Variants in SNX7 observed in about 807,000 individuals in gnomAD.
The protein encoded by SNX7 is sorting nexin 7.
A neutral mutation model predicts 48.4 loss-of-function variants in SNX7; 35 were observed. The observed-to-expected ratio is 0.72, with a 90% confidence interval of 0.55 to 0.96. SNX7 has a LOEUF of 0.96. Ranked by LOEUF, SNX7 falls within the 40% of genes least tolerant of loss-of-function variation. The pLI, the probability that SNX7 is intolerant of heterozygous loss-of-function variation, is 0.00. For synonymous variants in SNX7, 190 were observed against 190.2 expected (o/e 1.00, Z 0.01); for missense variants, 553 against 548.9 (o/e 1.01, Z -0.07).
chr1:98,662,810 A>T (rs1649320576), intron 1 of SNX7: 2 of 1,289,076 alleles, frequency 1.6e-6, no homozygotes, highest in Admixed American at 2.3e-5. Context: ...TTACCTGGAG[A>T]TATTAGGTAA....
intron 7 of SNX7, among the ~76,000 whole-genome samples, chr1:98,708,869 G>A (rs2100986955): frequency 6.6e-6 from 1 of 152,264 alleles, no homozygotes; most frequent in South Asian, 2.1e-4. Context: ...GGAGTCTGTT[G>A]AGCCTGAGAT....
chr1:98,753,124 A>G (rs759718124), intron 8 of SNX7, among the ~76,000 whole-genome samples: 3 of 152,094 alleles, frequency 2.0e-5, no homozygotes, highest in Non-Finnish European at 4.4e-5. Flanking sequence ...TATGAGGCTT[A>G]AAGAAGGTGA....
intron 7 of SNX7, among the ~76,000 whole-genome samples, chr1:98,720,739 T>C (rs752010532): frequency 4.6e-5 from 7 of 152,166 alleles, no homozygotes; most frequent in Non-Finnish European, 8.8e-5. Flanking sequence ...CGGTCCAGAA[T>C]GGAATATTTC....
intron 1 of SNX7, among the ~76,000 whole-genome samples, chr1:98,681,932 C>T (rs1319318383): frequency 6.6e-6 from 1 of 152,124 alleles, no homozygotes; most frequent in Non-Finnish European, 1.5e-5. Flanking sequence ...CTAGCTTACT[C>T]TCAATAAGTA....
intron 7 of SNX7, among the ~76,000 whole-genome samples, chr1:98,726,229 T>C (rs1472439041): frequency 6.6e-6 from 1 of 152,060 alleles, no homozygotes; most frequent in African/African-American, 2.4e-5. Context: ...GACTGATAAA[T>C]GTGTGTCTTT....
At chr1:98,734,851 G>A (rs1354693574) in intron 7 of SNX7, among the ~76,000 whole-genome samples, 3 of 152,100 alleles carry the variant, frequency 2.0e-5, no homozygotes, top group African/African-American at 7.2e-5. Context: ...ACAACGTTTT[G>A]CTGGCAACAA....
At chr1:98,664,931 C>G (rs1570475914) in intron 1 of SNX7, among the ~76,000 whole-genome samples, 1 of 152,208 alleles carries the variant, frequency 6.6e-6, no homozygotes, top group East Asian at 1.9e-4. Context: ...TATTTTAGAA[C>G]TAGGTCACAA....
chr1:98,730,975 C>A (rs970173016), intron 7 of SNX7, among the ~76,000 whole-genome samples: 2 of 152,000 alleles, frequency 1.3e-5, no homozygotes, highest in Non-Finnish European at 2.9e-5. Context: ...GGACACAGGG[C>A]GGCAGAGGTG....
At chr1:98,701,749 ATTT>A (rs1365690301) in intron 6 of SNX7, 65 bp from the exon 7 acceptor site, 13 of 1,009,414 alleles carry the variant, frequency 1.3e-5, no homozygotes, top group Non-Finnish European at 1.9e-5. Context: ...TGAAATATAT[ATTT>A]TTGCTATAGG....
At chr1:98,733,582 A>T (rs1653626749) in intron 7 of SNX7, among the ~76,000 whole-genome samples, 1 of 152,174 alleles carries the variant, frequency 6.6e-6, no homozygotes. Flanking sequence ...ACTCCAAGGT[A>T]AACATGCTTC....
chr1:98,708,462 A>G (rs187615845), intron 7 of SNX7, among the ~76,000 whole-genome samples: 11 of 152,294 alleles, frequency 7.2e-5, no homozygotes, highest in Admixed American at 6.5e-4. Context: ...ACACCCAGTT[A>G]CAGATACCTG....
At chr1:98,691,451 T>G (rs1301528060) in intron 3 of SNX7, 84 bp from the exon 4 acceptor site, 2 of 1,142,878 alleles carry the variant, frequency 1.7e-6, no homozygotes, top group African/African-American at 1.6e-5. Context: ...GTTCAACTAG[T>G]CTTCCAAACA....
At chr1:98,740,471 GTATATTAGGGTA>G (rs1224194068) in intron 8 of SNX7, among the ~76,000 whole-genome samples, 1 of 152,002 alleles carries the variant, frequency 6.6e-6, no homozygotes, top group African/African-American at 2.4e-5. Context: ...CAAAACCTAA[GTATATTAGGGTA>G]TAAAAATCAC....
chr1:98,742,212 AG>A (rs1006115972), intron 8 of SNX7, among the ~76,000 whole-genome samples: 1 of 152,114 alleles, frequency 6.6e-6, no homozygotes, highest in African/African-American at 2.4e-5. Flanking sequence ...ATAGTAAGAA[AG>A]GGTAGGGAAT....
intron 7 of SNX7, among the ~76,000 whole-genome samples, chr1:98,711,286 G>A (rs1652293113): frequency 6.6e-6 from 1 of 152,136 alleles, no homozygotes; most frequent in Non-Finnish European, 1.5e-5. Context: ...CCAAAGTGCT[G>A]GGATTACAGG....
At chr1:98,675,610 T>A (rs1327959663) in intron 1 of SNX7, among the ~76,000 whole-genome samples, 1 of 152,192 alleles carries the variant, frequency 6.6e-6, no homozygotes, top group Non-Finnish European at 1.5e-5. Context: ...GTTGGGAGGA[T>A]GAGCAAAAAG....
chr1:98,746,274 A>C (rs1654305086), intron 8 of SNX7, among the ~76,000 whole-genome samples: 1 of 152,104 alleles, frequency 6.6e-6, no homozygotes, highest in African/African-American at 2.4e-5. Context: ...CCCTGGGCAT[A>C]GTTCTTTGGG....
intron 7 of SNX7, among the ~76,000 whole-genome samples, chr1:98,702,770 G>GA (rs1449964267): frequency 3.9e-5 from 6 of 152,052 alleles, no homozygotes. Context: ...ATAGAAGTGG[G>GA]AAAAATGGAC....
chr1:98,752,540 C>T (rs1006072505), intron 8 of SNX7, among the ~76,000 whole-genome samples: 7 of 151,928 alleles, frequency 4.6e-5, no homozygotes, highest in African/African-American at 1.7e-4. Context: ...GAATGGGGAT[C>T]GGGCTCTTAG....
Sources: allele counts gnomAD v4.1 joint callset (sites outside exome capture counted in the v4.1 genomes callset), GRCh38; gene constraint gnomAD v4.1.1; transcripts MANE v1.5; gene names NCBI Gene and HGNC (gene_info 2026-07-23, HGNC 2026-07-21).